The following MKKS variants were observed in gnomAD, a reference collection of about 807,000 sequenced individuals.
The protein encoded by MKKS is MKKS centrosomal shuttling protein, also known as molecular chaperone MKKS.
A neutral mutation model predicts 33.2 loss-of-function variants in MKKS; 29 were observed. The observed-to-expected ratio is 0.87, with a 90% confidence interval of 0.65 to 1.19. MKKS has a LOEUF of 1.19. Among genes scored for constraint, MKKS ranks in the 50% most tolerant of loss-of-function variants. MKKS has a pLI of 0.00. For synonymous variants in MKKS, 260 were observed against 244.0 expected (o/e 1.07, Z -0.61); for missense variants, 661 against 662.3 (o/e 1.00, Z 0.02).
chr20:10,406,765 T>C (rs1265464769), intron 5 of MKKS, among the ~76,000 whole-genome samples: 2 of 152,210 alleles, frequency 1.3e-5, no homozygotes, highest in Admixed American at 6.6e-5. Flanking sequence ...TCAATTCCAT[T>C]TCAGAATACA....
rs1029764974 is a variant in MKKS at position 10,402,748 on chromosome 20, T to TA, written c.*2498dup. On this transcript the variant is annotated 3_prime_UTR_variant, in exon 6 of 6. Coordinates refer to ENST00000347364, the MANE Select transcript of MKKS (RefSeq NM_170784.3). ...TGTGACACATTGTAAACACATGTGA[T>TA]AAAGAACCCTTCTTTTAGGTTGGGG... 9.9e-5 allele frequency: 15 copies of TA among 152,208 alleles called. No individual in the cohort carries two copies. Among genetic ancestry groups the TA allele is most frequent in the Non-Finnish European group, 2.2e-4 (15 of 68,030 alleles). The allele number at this position is 152,208 out of a possible 1,614,324, so 9.4% of individuals were successfully genotyped here. A position where few individuals can be genotyped will look rare whatever the true frequency, so the allele number is the denominator to read the frequency against.
At chr20:10,428,998 T>C in intron 1 of MKKS, among the ~76,000 whole-genome samples, 1 of 152,180 alleles carries the variant, frequency 6.6e-6, no homozygotes, top group Non-Finnish European at 1.5e-5. Flanking sequence ...TTAAGGGCCT[T>C]TCTCTTTTGC....
At chr20:10,429,034 GAA>G (rs2065035971) in intron 1 of MKKS, among the ~76,000 whole-genome samples, 1 of 152,050 alleles carries the variant, frequency 6.6e-6, no homozygotes, top group Non-Finnish European at 1.5e-5. Flanking sequence ...TTTCTCCACT[GAA>G]AAGAGTCAAA....
intron 2 of MKKS, among the ~76,000 whole-genome samples, chr20:10,416,875 G>A (rs1385655881): frequency 1.3e-5 from 2 of 152,158 alleles, no homozygotes; most frequent in Non-Finnish European, 2.9e-5. Flanking sequence ...ATTAATTTGT[G>A]TACTGTGTAT....
intron 1 of MKKS, among the ~76,000 whole-genome samples, chr20:10,423,640 G>A (rs1174274470): frequency 6.6e-6 from 1 of 151,996 alleles, no homozygotes; most frequent in African/African-American, 2.4e-5. Flanking sequence ...AATTATATAG[G>A]GTTAGCTCCC....
intron 3 of MKKS, among the ~76,000 whole-genome samples, chr20:10,410,330 A>C (rs2064873913): frequency 6.6e-6 from 1 of 151,748 alleles, no homozygotes; most frequent in African/African-American, 2.4e-5. Context: ...AAACCAAGTC[A>C]AATGTTAAAA....
intron 2 of MKKS, among the ~76,000 whole-genome samples, chr20:10,416,155 TTTG>T (rs112357218): frequency 9.2e-5 from 14 of 151,962 alleles, no homozygotes; most frequent in Non-Finnish European, 1.9e-4. Context: ...CAGATGGGTT[TTTG>T]TTGTTGTTGC....
At chr20:10,419,789 A>T (rs184035822) in intron 2 of MKKS, among the ~76,000 whole-genome samples, 120 of 152,354 alleles carry the variant, frequency 7.9e-4, no homozygotes, top group African/African-American at 2.6e-3. Flanking sequence ...GAAGTAGAAT[A>T]TCCCAGGATT....
chr20:10,407,762 C>A, intron 4 of MKKS, 36 bp from the exon 5 acceptor site: 1 of 1,458,020 alleles, frequency 6.9e-7, no homozygotes, highest in South Asian at 1.2e-5. Flanking sequence ...ATCAGACGTT[C>A]ACATCATATT....
chr20:10,405,487 T>C lies in MKKS; in HGVS notation c.1473A>G (p.Pro491=). 6.2e-7 allele frequency: 1 copy of C among 1,614,216 alleles called. No homozygotes were observed. The highest frequency in any genetic ancestry group is 1.1e-5 in the South Asian group (1 of 91,086). The change falls in exon 6 of 6, where the codon CCA becomes CCG. Residue 491 remains proline, a synonymous_variant. Transcript: ENST00000347364. ...QADSPCVANW[P]DLLSQCGCGL... is the part of the protein sequence containing the mutation. ...CACAGCCACACTGTGAAAGCAAATC[T>C]GGCCAGTTAGCAACACAGGGAGAAT...
chr20:10,405,186 T>C lies in MKKS; in HGVS notation c.*61A>G, dbSNP rs2064832323. The C allele has an allele frequency of 7.3e-7, 1 of 1,364,596 alleles. No individual in the cohort carries two copies. Among genetic ancestry groups the C allele is most frequent in the Non-Finnish European group, 1.0e-6 (1 of 995,068 alleles). The allele number at this position is 1,364,596 out of a possible 1,614,324, so 84.5% of individuals were successfully genotyped here. ...GGAGAAAACAAATACACTCACAATT[T>C]TTCTCAATTGCCAACAGACTAGTTT... On this transcript the variant is annotated 3_prime_UTR_variant, in exon 6 of 6. Transcript: ENST00000347364.
In MKKS at chr20:10,405,628, T is replaced by A. The variant is rs759624565; in HGVS notation, c.1332A>T (p.Gln444His). The change falls in exon 6 of 6, where the codon CAA becomes CAT. Residue 444 changes from glutamine to histidine, a missense_variant. Physicochemically the swap from Gln to His is conservative, Grantham distance 24 (BLOSUM62 0). Coordinates refer to ENST00000347364, the MANE Select transcript of MKKS (RefSeq NM_170784.3). ...KDDECTQTEL[Q>H]LIAEAFCSAL... ...CACTGCAAAATGCTTCAGCAATTAATTGAAGTTCTGTTTGAGTACATTCAT... is the reference window on the plus strand; with the variant it reads ...CACTGCAAAATGCTTCAGCAATTAAATGAAGTTCTGTTTGAGTACATTCAT... 6.2e-7 allele frequency: 1 copy of A among 1,614,206 alleles called. No individual in the cohort carries two copies. Among genetic ancestry groups the A allele is most frequent in the African/African-American group, 1.3e-5 (1 of 75,066 alleles).
At chr20:10,416,905 C>T (rs1011415744) in intron 2 of MKKS, among the ~76,000 whole-genome samples, 1 of 152,098 alleles carries the variant, frequency 6.6e-6, no homozygotes, top group Non-Finnish European at 1.5e-5. Context: ...TACACTACAA[C>T]AGAAAGCTGA....
At chr20:10,431,762 A>G (rs1254315673) in intron 1 of MKKS, 1 of 152,172 alleles carries the variant, frequency 6.6e-6, no homozygotes, top group Non-Finnish European at 1.5e-5. Flanking sequence ...GGTAGCAGCC[A>G]CTTGTCTTCT....
At position 10,403,395 on chromosome 20, in the gene MKKS, C is replaced by T. The variant is rs1336077931; in HGVS notation, c.*1852G>A. The T allele has an allele frequency of 6.6e-6, 1 of 150,784 alleles. No homozygotes were observed. 9.3% of individuals were successfully genotyped at this position (150,784 alleles called of 1,614,324 possible). ...TGCCTACCACATGCAAAATACGTCC[C>T]CCCTACTCCTCAGATCCTCAAAAGT... On this transcript the variant is annotated 3_prime_UTR_variant, in exon 6 of 6. Coordinates refer to ENST00000347364, the MANE Select transcript of MKKS (RefSeq NM_170784.3).
rs751598664 is a variant in MKKS at position 10,403,913 on chromosome 20, T to C, written c.*1334A>G. 1 of 152,230 alleles carries C rather than the reference T, an allele frequency of 6.6e-6. No individual in the cohort carries two copies. Among genetic ancestry groups the C allele is most frequent in the Non-Finnish European group, 1.5e-5 (1 of 68,038 alleles). The allele number at this position is 152,230 out of a possible 1,614,324, so 9.4% of individuals were successfully genotyped here. On this transcript the variant is annotated 3_prime_UTR_variant, in exon 6 of 6. Transcript: ENST00000347364. The stretch of plus-strand genomic sequence containing the variant: ...CTGCTTGTATTGCTAGTTTTTTCCT[T>C]TGGCTCAGAGTAAAAATTCTTTTTG...
chr20:10,424,246 T>A (rs956077294), intron 1 of MKKS, among the ~76,000 whole-genome samples: 28 of 150,898 alleles, frequency 1.9e-4, no homozygotes, highest in Non-Finnish European at 8.8e-5. Context: ...AAGAAAAAAA[T>A]ATATATTAAA....
intron 1 of MKKS, among the ~76,000 whole-genome samples, chr20:10,433,854 C>G (rs1330866302): frequency 4.6e-5 from 7 of 152,172 alleles, no homozygotes; most frequent in African/African-American, 1.7e-4. Flanking sequence ...CTCCAGCTCT[C>G]CCCACCGGCG....
chr20:10,404,650 C>T lies in MKKS; in HGVS notation c.*597G>A, dbSNP rs2064828601. On this transcript the variant is annotated 3_prime_UTR_variant, in exon 6 of 6. Coordinates refer to ENST00000347364, the MANE Select transcript of MKKS (RefSeq NM_170784.3). ...TTTCCCCCCAAAAGCAAACATTTCCCCAAAATAACAAAAATGTGGAGTTGT... is the reference window on the plus strand; with the variant it reads ...TTTCCCCCCAAAAGCAAACATTTCCTCAAAATAACAAAAATGTGGAGTTGT... 6.6e-6 allele frequency: 1 copy of T among 151,970 alleles called. No individual in the cohort carries two copies. Among genetic ancestry groups the T allele is most frequent in the Non-Finnish European group, 1.5e-5 (1 of 68,034 alleles). 9.4% of individuals were successfully genotyped at this position (151,970 alleles called of 1,614,324 possible). A position where few individuals can be genotyped will look rare whatever the true frequency, so the allele number is the denominator to read the frequency against.
Sources: allele counts gnomAD v4.1 joint callset (sites outside exome capture counted in the v4.1 genomes callset), GRCh38; gene constraint gnomAD v4.1.1; transcripts MANE v1.5; gene names NCBI Gene and HGNC (gene_info 2026-07-23, HGNC 2026-07-21).